DMD: variants seen among roughly 807,000 people sequenced by gnomAD.
The protein encoded by DMD is dystrophin, also known as mutant dystrophin.
A neutral mutation model predicts 330.1 loss-of-function variants in DMD; 63 were observed. That is an observed-to-expected ratio of 0.19 (90% CI 0.16 to 0.24). The LOEUF is 0.24. DMD is among the 10% of genes least tolerant of loss of function. The probability of loss-of-function intolerance (pLI) is 1.00; values close to 1 mark genes in which losing one functional copy is unlikely to be tolerated. For synonymous variants in DMD, 1,223 were observed against 959.8 expected, an observed-to-expected ratio of 1.27 and a Z score of -5.07; for missense variants, 3,344 against 2,684.1, an observed-to-expected ratio of 1.25 and a Z score of -5.43.
intron 17 of DMD, among the ~76,000 whole-genome samples, chrX:32,519,395 G>A (rs887856989): frequency 1.8e-5 from 2 of 110,469 alleles, no homozygotes; most frequent in African/African-American, 3.3e-5. Flanking sequence ...TTTGAAATCC[G>A]CTCTTTAAAT....
chrX:32,682,252 A>G lies in DMD; in HGVS notation c.960+15618T>C, dbSNP rs1442407831. ...TGTCTCTCATTCCATAATAGTTACC[A>G]CTATTCCACAAGACCCATCGATTAG... is the stretch of plus-strand genomic sequence containing the variant. On this transcript the variant is annotated intron_variant, in intron 9 of 78. Coordinates refer to ENST00000357033, the MANE Select transcript of DMD (RefSeq NM_004006.3). Among the ~76,000 whole-genome samples, 4 of 111,708 alleles carry G rather than the reference A, an allele frequency of 3.6e-5. No individual in the cohort carries two copies. The Admixed American group carries it at 3.8e-4, about 11-fold the overall frequency.
At chrX:32,215,675 C>T (rs907814044) in intron 44 of DMD, among the ~76,000 whole-genome samples, 6 of 111,527 alleles carry the variant, frequency 5.4e-5, no homozygotes, top group Admixed American at 9.5e-5. Flanking sequence ...TCTATATCTA[C>T]CCCAAAACAT....
At chrX:31,404,088 G>A (rs1007219300) in intron 60 of DMD, among the ~76,000 whole-genome samples, 2 of 108,689 alleles carry the variant, frequency 1.8e-5, no homozygotes, top group African/African-American at 6.7e-5. Context: ...ACATACATAC[G>A]TAGTGTGTAC....
chrX:33,189,189 T>C (rs1270235176), intron 1 of DMD, among the ~76,000 whole-genome samples: 1 of 111,323 alleles, frequency 9.0e-6, no homozygotes, highest in Non-Finnish European at 1.9e-5. Context: ...GTAAGCATAG[T>C]GTTACAATGA....
chrX:33,089,316 G>A (rs758825301), intron 1 of DMD, among the ~76,000 whole-genome samples: 1 of 110,585 alleles, frequency 9.0e-6, no homozygotes, highest in African/African-American at 3.3e-5. Flanking sequence ...CACCAGCCTC[G>A]GCCTCCCAAA....
At chrX:31,728,272 G>A (rs371919833) in intron 52 of DMD, among the ~76,000 whole-genome samples, 13 of 111,963 alleles carry the variant, frequency 1.2e-4, no homozygotes, top group South Asian at 1.1e-3. Flanking sequence ...TGATCCGCCC[G>A]CCTCGGCCTC....
chrX:32,451,384 T>A (rs2098329379), intron 26 of DMD, among the ~76,000 whole-genome samples: 1 of 110,467 alleles, frequency 9.1e-6, no homozygotes, highest in East Asian at 2.9e-4. Context: ...GTACTAGAGT[T>A]ATAATAGAGT....
chrX:32,856,140 A>T (rs931626209), intron 2 of DMD, among the ~76,000 whole-genome samples: 1 of 112,039 alleles, frequency 8.9e-6, no homozygotes, highest in Non-Finnish European at 1.9e-5. Flanking sequence ...AATGGCTTAT[A>T]TCCAACAGAC....
chrX:31,613,391 T>A (rs903605179), intron 55 of DMD, among the ~76,000 whole-genome samples: 4 of 111,224 alleles, frequency 3.6e-5, no homozygotes, highest in African/African-American at 1.3e-4. Context: ...GAGGTCCACA[T>A]GAAGAAAAAC....
At chrX:32,017,719 G>A (rs1349790323) in intron 44 of DMD, among the ~76,000 whole-genome samples, 2 of 111,643 alleles carry the variant, frequency 1.8e-5, no homozygotes, top group African/African-American at 6.5e-5. Flanking sequence ...CTGGTGTAGT[G>A]CCTTTCAGAA....
At chrX:32,233,269 C>T (rs936191125) in intron 43 of DMD, among the ~76,000 whole-genome samples, 2 of 111,346 alleles carry the variant, frequency 1.8e-5, no homozygotes, top group African/African-American at 6.5e-5. Flanking sequence ...CTTCCAAATG[C>T]CAGCATTTGG....
intron 29 of DMD, among the ~76,000 whole-genome samples, chrX:32,420,737 T>C (rs2098186262): frequency 8.9e-6 from 1 of 111,888 alleles, no homozygotes; most frequent in Admixed American, 9.5e-5. Flanking sequence ...ATATGATGTA[T>C]GGGAAGCAAA....
chrX:31,889,667 ACACACACACACACACG>A lies in DMD; in HGVS notation c.6913-14310_6913-14295del, dbSNP rs1187174746. Among the ~76,000 whole-genome samples the A allele has an allele frequency of 4.2e-3, 324 of 77,746 alleles. 1 individual carries two copies. Among genetic ancestry groups the A allele is most frequent in the African/African-American group, 0.014 (250 of 18,100 alleles). 67.5% of individuals were successfully genotyped at this position (77,746 alleles called of 115,157 possible). A position where few individuals can be genotyped will look rare whatever the true frequency, so the allele number is the denominator to read the frequency against. ...CTCTCTCACACACACACACACACAC[ACACACACACACACACG>A]CACACCACAGAATGTGTTGTTACAA... On this transcript the variant is annotated intron_variant, in intron 47 of 78. Coordinates refer to ENST00000357033, the MANE Select transcript of DMD (RefSeq NM_004006.3).
At chrX:32,573,103 C>G (rs986340133) in intron 15 of DMD, among the ~76,000 whole-genome samples, 8 of 111,261 alleles carry the variant, frequency 7.2e-5, no homozygotes, top group Non-Finnish European at 1.3e-4. Flanking sequence ...TACCCAGTCC[C>G]AGTCTCAGGT....
At chrX:31,412,613 C>T (rs1361704233) in intron 60 of DMD, among the ~76,000 whole-genome samples, 4 of 111,591 alleles carry the variant, frequency 3.6e-5, no homozygotes, top group African/African-American at 1.3e-4. Context: ...GTGGTGACAA[C>T]GAGAATTGAG....
intron 62 of DMD, among the ~76,000 whole-genome samples, chrX:31,305,497 T>C (rs1388185739): frequency 9.0e-6 from 1 of 111,527 alleles, no homozygotes; most frequent in East Asian, 2.8e-4. Flanking sequence ...TTCTAAACCA[T>C]ATTCCCTGAT....
At chrX:32,884,339 T>C (rs1250271227) in intron 2 of DMD, among the ~76,000 whole-genome samples, 12 of 111,673 alleles carry the variant, frequency 1.1e-4, no homozygotes, top group Non-Finnish European at 3.8e-5. Context: ...GAGTGACAGT[T>C]AAGTGGCAGG....
At chrX:32,813,340 T>C (rs183337970) in intron 6 of DMD, among the ~76,000 whole-genome samples, 15 of 111,953 alleles carry the variant, frequency 1.3e-4, no homozygotes, top group African/African-American at 4.2e-4. Context: ...ATTTATTGAC[T>C]TGCAACCAAG....
At chrX:33,063,926 C>A (rs2094611974) in intron 1 of DMD, among the ~76,000 whole-genome samples, 1 of 111,879 alleles carries the variant, frequency 8.9e-6, no homozygotes, top group Admixed American at 9.5e-5. Flanking sequence ...CTTCCTAAGT[C>A]CACTTAGAAA....
Sources: gnomAD v4.1 joint callset for allele counts (sites outside exome capture counted in the v4.1 genomes callset) on GRCh38, gnomAD v4.1.1 for gene constraint, MANE v1.5 for transcripts, NCBI Gene and HGNC (gene_info 2026-07-23, HGNC 2026-07-21) for gene names.